Variants in SCAF11 observed in about 807,000 individuals in gnomAD.
SCAF11 encodes SR-related CTD associated factor 11, also known as protein SCAF11.
In SCAF11, 47 loss-of-function variants were observed where a neutral mutation model predicts 140.5. The observed-to-expected ratio is 0.33, with a 90% CI of 0.26 to 0.43. The LOEUF (loss-of-function observed/expected upper bound fraction) is 0.43. SCAF11 is among the 20% of genes least tolerant of loss of function. SCAF11 has a pLI of 1.00. For missense variants in SCAF11, 1,645 were observed against 1,705.1 expected, an observed-to-expected ratio of 0.96 and a Z score of 0.62; for synonymous variants, 557 against 579.4, an observed-to-expected ratio of 0.96 and a Z score of 0.55.
chr12:45,929,741 T>G (rs1396146677), intron 10 of SCAF11: 1 of 152,240 alleles, frequency 6.6e-6, no homozygotes. Context: ...ACATGATGTT[T>G]TGAAGTACAT....
chr12:45,922,316 C>T lies in SCAF11; in HGVS notation c.4246-122G>A, dbSNP rs1944734181. 3 of 1,449,122 alleles carry T rather than the reference C, an allele frequency of 2.1e-6. No individual in the cohort carries two copies. In the East Asian group the frequency reaches 7.0e-5, roughly 34 times the overall value. The allele number at this position is 1,449,122 out of a possible 1,614,324, so 89.8% of individuals were successfully genotyped here. ...CAGACTTATTTTCATGTTTCATTAT[C>T]TCACACAAACTAATCAAAAGGCAAA... is the stretch of plus-strand genomic sequence containing the variant. On this transcript the variant is annotated intron_variant, in intron 14 of 14. Coordinates refer to ENST00000369367, the MANE Select transcript of SCAF11 (RefSeq NM_004719.3).
intron 13 of SCAF11, 135 bp from the exon 14 acceptor site, chr12:45,922,717 T>C: frequency 1.0e-6 from 1 of 958,280 alleles, no homozygotes; most frequent in Non-Finnish European, 1.5e-6. Flanking sequence ...TATAAAACAG[T>C]TTATTTACTA....
chr12:45,986,290 G>C (rs953168597), intron 1 of SCAF11, among the ~76,000 whole-genome samples: 1 of 152,132 alleles, frequency 6.6e-6, no homozygotes, highest in African/African-American at 2.4e-5. Context: ...AACCAAAAGA[G>C]CTCTGGTCCT....
intron 1 of SCAF11, among the ~76,000 whole-genome samples, chr12:45,987,495 G>A (rs895097564): frequency 1.3e-5 from 2 of 152,188 alleles, no homozygotes; most frequent in Non-Finnish European, 2.9e-5. Flanking sequence ...AAATCACAGT[G>A]AAGAAAATAA....
chr12:45,944,161 T>C (rs559829715), intron 6 of SCAF11, among the ~76,000 whole-genome samples: 2 of 152,328 alleles, frequency 1.3e-5, no homozygotes, highest in East Asian at 3.9e-4. Flanking sequence ...GTAAATTTTA[T>C]ATTGGTTCTT....
In SCAF11 at chr12:45,919,869, A is replaced by C. The variant is rs1392495019; in HGVS notation, c.*2179T>G. ...TGTTTGCAAAAGCTAAATGGTATAA[A>C]ACACATTTTAAAATGTCACCCAATT... On this transcript the variant is annotated 3_prime_UTR_variant, in exon 15 of 15. Transcript: ENST00000369367. 1 of 152,246 alleles carries C rather than the reference A, an allele frequency of 6.6e-6. No homozygotes were observed. Among genetic ancestry groups the C allele is most frequent in the Admixed American group, 6.5e-5 (1 of 15,286 alleles). The allele number at this position is 152,246 out of a possible 1,614,324, so 9.4% of individuals were successfully genotyped here.
chr12:45,981,224 C>A (rs1265853364), intron 1 of SCAF11, among the ~76,000 whole-genome samples: 1 of 152,078 alleles, frequency 6.6e-6, no homozygotes, highest in Admixed American at 6.5e-5. Context: ...ATGACTAACA[C>A]AGGATATGAT....
chr12:45,936,696 C>T (rs1198319737), intron 6 of SCAF11, among the ~76,000 whole-genome samples: 1 of 152,176 alleles, frequency 6.6e-6, no homozygotes, highest in East Asian at 1.9e-4. Flanking sequence ...TGTCCTTTGT[C>T]ATTATCCCAA....
At position 45,926,261 on chromosome 12, in the gene SCAF11, C is replaced by G. The variant is rs1341120141; in HGVS notation, c.3440G>C (p.Ser1147Thr). 6.2e-7 allele frequency: 1 copy of G among 1,614,028 alleles called. No homozygotes were observed. Among genetic ancestry groups the G allele is most frequent in the East Asian group, 2.2e-5 (1 of 44,894 alleles). Residue 1147 changes from serine to threonine, a missense_variant, in exon 11 of 15, where the codon AGC becomes ACC. Ser to Thr is a moderately conservative substitution (Grantham distance 58). Transcript: ENST00000369367. ...ADRSGWTSAS[S>T]WAVRKTLPAD... The stretch of plus-strand genomic sequence containing the variant: ...TGGCAAAGTCTTTCTCACGGCCCAG[C>G]TGGATGCAGATGTCCATCCAGATCT...
Position 45,926,150 on chromosome 12 carries a change from G to C in SCAF11, c.3551C>G (p.Ser1184Cys). 6.2e-7 allele frequency: 1 copy of C among 1,611,064 alleles called. No individual in the cohort carries two copies. Among genetic ancestry groups the C allele is most frequent in the Non-Finnish European group, 8.5e-7 (1 of 1,177,890 alleles). Residue 1184 changes from serine to cysteine, a missense_variant, in exon 11 of 15, where the codon TCT becomes TGT. By Grantham distance (112) the Ser-to-Cys change is moderately radical. Around this residue, in one of 2 missense-constraint regions of SCAF11, gnomAD observed 1,582 missense variants for 1,609.2 expected, o/e 0.98. Coordinates refer to ENST00000369367, the MANE Select transcript of SCAF11 (RefSeq NM_004719.3). ...SGWMKQEEET[S>C]GQDSSLKDQT... ...CAACAAGAATACATTACCCTGTCCA[G>C]ATGTTTCCTCCTCTTGTTTCATCCA...
At chr12:45,984,695 C>CTTT (rs539795330) in intron 1 of SCAF11, among the ~76,000 whole-genome samples, 3 of 136,598 alleles carry the variant, frequency 2.2e-5, no homozygotes, top group Non-Finnish European at 3.1e-5. Flanking sequence ...TTCGCACTTC[C>CTTT]TTTTTTTTTT....
At chr12:45,954,755 T>TA (rs1491116703) in intron 3 of SCAF11, 19 of 145,744 alleles carry the variant, frequency 1.3e-4, no homozygotes, top group African/African-American at 4.3e-4. Flanking sequence ...TTTTTTTTTT[T>TA]AACTTTTTTC....
chr12:45,930,956 A>G (rs1945028638), intron 10 of SCAF11: 1 of 152,224 alleles, frequency 6.6e-6, no homozygotes, highest in Admixed American at 6.6e-5. Flanking sequence ...GTCGCCACCC[A>G]GTTAAAACCT....
chr12:45,961,295 G>A (rs1945819024), intron 3 of SCAF11: 1 of 715,242 alleles, frequency 1.4e-6, no homozygotes, highest in South Asian at 1.5e-5. Flanking sequence ...ATATAAAGAA[G>A]AAATCAAATA....
At position 45,921,452 on chromosome 12, in the gene SCAF11, G is replaced by A. The variant is rs1217051118; in HGVS notation, c.*596C>T. On this transcript the variant is annotated 3_prime_UTR_variant, in exon 15 of 15. Transcript: ENST00000369367. ...TATTTGGTCATACAATAGGTGAAGA[G>A]TGTCTCAATGTTTTGAACACTAAAT... is the stretch of plus-strand genomic sequence containing the variant. The A allele has an allele frequency of 6.6e-6, 1 of 152,534 alleles. No individual in the cohort carries two copies. The highest frequency in any genetic ancestry group is 1.5e-5 in the Non-Finnish European group (1 of 68,054). The allele number at this position is 152,534 out of a possible 1,614,324, so 9.4% of individuals were successfully genotyped here. A position where few individuals can be genotyped will look rare whatever the true frequency, so the allele number is the denominator to read the frequency against.
At chr12:45,990,722 T>G, upstream of SCAF11, 3 of 580,486 alleles carry the variant, frequency 5.2e-6, no homozygotes, top group Non-Finnish European at 4.9e-6. Context: ...GCTCTGGCCC[T>G]GAGTGCATGT....
intron 9 of SCAF11, among the ~76,000 whole-genome samples, chr12:45,932,022 T>C (rs1171707837): frequency 6.6e-6 from 1 of 152,056 alleles, no homozygotes; most frequent in Non-Finnish European, 1.5e-5. Context: ...ATTTGCTAAC[T>C]TTTTACCAAA....
rs1944661591 is a variant in SCAF11, at chr12:45,919,650, A to G, written c.*2398T>C. The G allele has an allele frequency of 6.6e-6, 1 of 152,258 alleles. No individual in the cohort carries two copies. The highest frequency in any genetic ancestry group is 1.5e-5 in the Non-Finnish European group (1 of 68,040). The allele number at this position is 152,258 out of a possible 1,614,324, so 9.4% of individuals were successfully genotyped here. A position where few individuals can be genotyped will look rare whatever the true frequency, so the allele number is the denominator to read the frequency against. On this transcript the variant is annotated 3_prime_UTR_variant, in exon 15 of 15. Coordinates refer to ENST00000369367, the MANE Select transcript of SCAF11 (RefSeq NM_004719.3). ...ACATAAAGCATGCATTTTCTAATAC[A>G]TTCTTAAACATTTCAAAATTTTAAA... is the stretch of plus-strand genomic sequence containing the variant.
In SCAF11 at chr12:45,927,591, G is replaced by C. The variant is rs1295933933; in HGVS notation, c.2110C>G (p.Gln704Glu). ...STELPKTHIE[Q>E]IQKHFSEDNN... ...TCCTCACTAAAATGCTTCTGAATCTGTTCAATGTGTGTTTTAGGCAACTCT... is the reference window on the plus strand; with the variant it reads ...TCCTCACTAAAATGCTTCTGAATCTCTTCAATGTGTGTTTTAGGCAACTCT... Residue 704 changes from glutamine to glutamate, a missense_variant, in exon 11 of 15, where the codon CAG becomes GAG. By Grantham distance (29) the Gln-to-Glu change is conservative. Coordinates refer to ENST00000369367, the MANE Select transcript of SCAF11 (RefSeq NM_004719.3). 2.5e-6 allele frequency: 4 copies of C among 1,612,500 alleles called. No homozygotes were observed. In the Admixed American group the frequency reaches 6.7e-5, roughly 27 times the overall value.
Sources: allele counts gnomAD v4.1 joint callset (sites outside exome capture counted in the v4.1 genomes callset), GRCh38; gene constraint gnomAD v4.1.1; regional missense constraint gnomAD v4.1.1; transcripts MANE v1.5; gene names NCBI Gene and HGNC (gene_info 2026-07-23, HGNC 2026-07-21).